The following CLCN6 variants were observed in gnomAD, a reference collection of about 807,000 sequenced individuals.
CLCN6 encodes the protein Cl-/H+ antiporter 6.
A neutral mutation model predicts 109.8 loss-of-function variants in CLCN6; 70 were observed. The ratio of observed to expected loss-of-function variants is 0.64; its 90% CI spans 0.53 to 0.78. The LOEUF (loss-of-function observed/expected upper bound fraction) is 0.78. Among genes scored for constraint, CLCN6 ranks in the 30% least tolerant of loss-of-function variants. The pLI, the probability that CLCN6 is intolerant of heterozygous loss-of-function variation, is 0.00. For missense variants in CLCN6, 984 were observed against 1,142.3 expected (o/e 0.86, Z 2.00); for synonymous variants, 444 against 447.8 (o/e 0.99, Z 0.11).
chr1:11,828,661 G>A (rs1375926571), intron 12 of CLCN6, 37 bp downstream of exon 12: 3 of 1,563,234 alleles, frequency 1.9e-6, no homozygotes, highest in Non-Finnish European at 1.7e-6. Flanking sequence ...AGCCTGCTGC[G>A]GCTCCCTGAG....
chr1:11,838,640 G>A lies in CLCN6; in HGVS notation c.2509G>A (p.Val837Met), dbSNP rs968167686. Residue 837 changes from valine (V) to methionine (M), a missense_variant, in exon 22 of 23, where the codon GTG becomes ATG. Physicochemically the swap from Val to Met is conservative, Grantham distance 21. Coordinates refer to ENST00000346436, the MANE Select transcript of CLCN6 (RefSeq NM_001286.5). ...AACGATGGGCCTGCGCCACCTGCCC[G>A]TGGTGAACGCTGTGGGAGAGGTGAG... ...FRTMGLRHLPVVNAVGEIVGI... is the reference protein window; with the variant it reads ...FRTMGLRHLPMVNAVGEIVGI... 1.7e-5 allele frequency: 27 copies of A among 1,614,210 alleles called. No individual in the cohort carries two copies. The highest frequency in any genetic ancestry group is 2.0e-5 in the Non-Finnish European group (24 of 1,180,036).
intron 2 of CLCN6, among the ~76,000 whole-genome samples, chr1:11,810,460 C>T (rs1206504732): frequency 6.6e-6 from 1 of 152,220 alleles, no homozygotes; most frequent in African/African-American, 2.4e-5. Context: ...CCCTAGCTCA[C>T]AACCAGTTGA....
At position 11,833,658 on chromosome 1, in the gene CLCN6, C is replaced by T; in HGVS notation, c.1372+20C>T. The T allele has an allele frequency of 6.2e-7, 1 of 1,612,406 alleles. No individual in the cohort carries two copies. Among genetic ancestry groups the T allele is most frequent in the East Asian group, 2.2e-5 (1 of 44,896 alleles). Reference sequence around the variant, plus strand: ...AGGATGGTGAGTGTCTGCACTGCAGCCCAATCGTGGGTGATTGGTGTCATC... The same window carrying T: ...AGGATGGTGAGTGTCTGCACTGCAGTCCAATCGTGGGTGATTGGTGTCATC... On this transcript the variant is annotated intron_variant, in intron 14 of 22. Coordinates refer to ENST00000346436, the MANE Select transcript of CLCN6 (RefSeq NM_001286.5).
chr1:11,835,646 G>A (rs540901451), intron 17 of CLCN6, among the ~76,000 whole-genome samples: 1 of 152,322 alleles, frequency 6.6e-6, no homozygotes, highest in African/African-American at 2.4e-5. Context: ...GGAGCGTGCT[G>A]CAGGGCACCG....
In CLCN6 at chr1:11,838,603, C is replaced by T. The variant is rs1349521925; in HGVS notation, c.2472C>T (p.Phe824=). 6.2e-7 allele frequency: 1 copy of T among 1,614,076 alleles called. No individual in the cohort carries two copies. Among genetic ancestry groups the T allele is most frequent in the Non-Finnish European group, 8.5e-7 (1 of 1,180,020 alleles). The change falls in exon 22 of 23, where the codon TTC becomes TTT. Residue 824 remains phenylalanine, a synonymous_variant. Coordinates refer to ENST00000346436, the MANE Select transcript of CLCN6 (RefSeq NM_001286.5). ...CCAACACCCACGTCTCCCAAGTCTT[C>T]AACCTGTTCAGAACGATGGGCCTGC... ...VSPNTHVSQV[F]NLFRTMGLRH... is the part of the protein sequence containing the mutation.
chr1:11,836,253 G>A (rs888488671), intron 18 of CLCN6, 100 bp downstream of exon 18: 11 of 1,075,170 alleles, frequency 1.0e-5, no homozygotes, highest in East Asian at 2.6e-5. Flanking sequence ...TGGACTTACC[G>A]GCTCTCAGGG....
chr1:11,827,064 T>C (rs1410924134), intron 9 of CLCN6, 25 bp from the exon 10 acceptor site: 2 of 1,610,664 alleles, frequency 1.2e-6, no homozygotes, highest in Non-Finnish European at 1.7e-6. Flanking sequence ...CTTTATTGGA[T>C]AACCCGTCTC....
At chr1:11,817,261 A>T (rs1318130642) in intron 4 of CLCN6, among the ~76,000 whole-genome samples, 1 of 152,122 alleles carries the variant, frequency 6.6e-6, no homozygotes, top group African/African-American at 2.4e-5. Context: ...CTCTTTAGGG[A>T]AAAAGCGAAG....
chr1:11,812,215 C>T (rs1168574945), intron 2 of CLCN6, among the ~76,000 whole-genome samples: 2 of 152,106 alleles, frequency 1.3e-5, no homozygotes, highest in Non-Finnish European at 2.9e-5. Context: ...CTTGCTAGAG[C>T]GGGTCAGAAA....
intron 8 of CLCN6, among the ~76,000 whole-genome samples, chr1:11,824,876 G>A (rs1330632400): frequency 6.6e-6 from 1 of 152,192 alleles, no homozygotes; most frequent in Non-Finnish European, 1.5e-5. Context: ...AGTGCTGCCA[G>A]ATCCAAGAGG....
At chr1:11,812,982 G>A (rs887272166) in intron 2 of CLCN6, among the ~76,000 whole-genome samples, 1 of 152,106 alleles carries the variant, frequency 6.6e-6, no homozygotes, top group Non-Finnish European at 1.5e-5. Context: ...TGTCCCAACC[G>A]TTGTTTGTTC....
chr1:11,823,662 A>G (rs770993160), intron 6 of CLCN6, 45 bp from the exon 7 acceptor site: 2 of 1,613,416 alleles, frequency 1.2e-6, no homozygotes, highest in African/African-American at 1.3e-5. Context: ...AAGCCAGAGA[A>G]CCAATGGATT....
chr1:11,832,386 ACT>A (rs1249413501), intron 13 of CLCN6, among the ~76,000 whole-genome samples: 8 of 152,112 alleles, frequency 5.3e-5, no homozygotes, highest in African/African-American at 1.9e-4. Context: ...TGACCACAGG[ACT>A]CTCTGGAAAG....
chr1:11,807,279 C>T, intron 2 of CLCN6, 89 bp downstream of exon 2: 6 of 1,150,218 alleles, frequency 5.2e-6, no homozygotes, highest in East Asian at 2.4e-5. Context: ...ACCAGAGATG[C>T]TCTTTGACCT....
At chr1:11,810,039 G>A (rs928633168) in intron 2 of CLCN6, among the ~76,000 whole-genome samples, 1 of 152,198 alleles carries the variant, frequency 6.6e-6, no homozygotes, top group Non-Finnish European at 1.5e-5. Context: ...GTATAAAAAC[G>A]TGGGTAAGGA....
chr1:11,826,630 CTT>C (rs1470812883), intron 9 of CLCN6, among the ~76,000 whole-genome samples: 2 of 152,192 alleles, frequency 1.3e-5, no homozygotes, highest in African/African-American at 4.8e-5. Context: ...TCGTAAGGCT[CTT>C]TCAATCAGAG....
Position 11,842,297 on chromosome 1 carries a change from A to T in CLCN6, c.*2074A>T, listed in dbSNP as rs186440307. ...TTAAGTCACCAGATATTTTGTTCCC[A>T]TCAGTTTAGCCCAGAGATAGACAGT... is the stretch of plus-strand genomic sequence containing the variant. On this transcript the variant is annotated 3_prime_UTR_variant, in exon 23 of 23. Coordinates refer to ENST00000346436, the MANE Select transcript of CLCN6 (RefSeq NM_001286.5). 6.5e-6 allele frequency: 1 copy of T among 152,740 alleles called. No homozygotes were observed. The highest frequency in any genetic ancestry group is 2.4e-5 in the African/African-American group (1 of 41,576). 9.5% of individuals were successfully genotyped at this position (152,740 alleles called of 1,614,324 possible). A position where few individuals can be genotyped will look rare whatever the true frequency, so the allele number is the denominator to read the frequency against.
intron 11 of CLCN6, 97 bp downstream of exon 11, chr1:11,828,316 A>C: frequency 7.0e-7 from 1 of 1,431,182 alleles, no homozygotes; most frequent in East Asian, 2.3e-5. Context: ...GGCTAGGTAC[A>C]ACTTCCAGGG....
rs529667360 is a variant in CLCN6 at position 11,834,859 on chromosome 1, G to A, written c.1793+269G>A. ...CCCATGGCATTCTGGTTAGATATGAGGTGAGGTCTCTGGATCAAGTTCGTG... is the reference window on the plus strand; with the variant it reads ...CCCATGGCATTCTGGTTAGATATGAAGTGAGGTCTCTGGATCAAGTTCGTG... On this transcript the variant is annotated intron_variant, in intron 17 of 22. Coordinates refer to ENST00000346436, the MANE Select transcript of CLCN6 (RefSeq NM_001286.5). This position sits in a 1 kb window ranked among gnomAD's most constrained non-coding sequence, Gnocchi z 4.5. 3.9e-5 allele frequency among the ~76,000 whole-genome samples: 6 copies of A among 152,284 alleles called. 1 individual carries two copies. In the East Asian group the frequency reaches 1.2e-3, roughly 29 times the overall value.
Sources: gnomAD v4.1 joint callset for allele counts (sites outside exome capture counted in the v4.1 genomes callset) on GRCh38, gnomAD v4.1.1 for gene constraint, Gnocchi (gnomAD v3.1) non-coding constraint, MANE v1.5 for transcripts, NCBI Gene and HGNC (gene_info 2026-07-23, HGNC 2026-07-21) for gene names.